The following EPHB1 variants were observed in gnomAD, a reference collection of about 807,000 sequenced individuals.
EPHB1 encodes the protein ephrin type-B receptor 1.
EPHB1 carries 30 observed loss-of-function variants against 94.4 expected under a neutral mutation model. The ratio of observed to expected loss-of-function variants is 0.32; its 90% CI spans 0.24 to 0.43. EPHB1 has a LOEUF of 0.43. Among genes scored for constraint, EPHB1 ranks in the 20% least tolerant of loss-of-function variants. The probability of loss-of-function intolerance (pLI) is 1.00; values close to 1 mark genes in which losing one functional copy is unlikely to be tolerated. For missense variants in EPHB1, 1,055 were observed against 1,308.3 expected (o/e 0.81, Z 2.99); for synonymous variants, 522 against 489.1 (o/e 1.07, Z -0.89).
Position 134,844,409 on chromosome 3 carries a change from G to A in EPHB1, c.58+48720G>A, listed in dbSNP as rs74835364. Reference sequence around the variant, plus strand: ...CGTAGCCTTAGGGCTGGCCAGGAGTGTGTGGCTATGTTGGCTCCTCTCTGG... The same window carrying A: ...CGTAGCCTTAGGGCTGGCCAGGAGTATGTGGCTATGTTGGCTCCTCTCTGG... On this transcript the variant is annotated intron_variant, in intron 1 of 15. Coordinates refer to ENST00000398015, the MANE Select transcript of EPHB1 (RefSeq NM_004441.5). 5.2e-3 allele frequency among the ~76,000 whole-genome samples: 792 copies of A among 152,342 alleles called. 3 individuals carry two copies. The highest frequency in any genetic ancestry group is 0.012 in the South Asian group (59 of 4,830).
chr3:135,112,918 T>C (rs1939519789), intron 4 of EPHB1, among the ~76,000 whole-genome samples: 1 of 152,188 alleles, frequency 6.6e-6, no homozygotes, highest in Non-Finnish European at 1.5e-5. Flanking sequence ...GAAGGCTGCT[T>C]TGCTCCAGCT....
At chr3:134,950,797 A>C (rs2107714846) in intron 2 of EPHB1, among the ~76,000 whole-genome samples, 1 of 152,364 alleles carries the variant, frequency 6.6e-6, no homozygotes, top group South Asian at 2.1e-4. Context: ...AAAACATCCA[A>C]ACCATATCAG....
At chr3:135,234,288 C>T (rs1943599145) in intron 12 of EPHB1, among the ~76,000 whole-genome samples, 1 of 152,206 alleles carries the variant, frequency 6.6e-6, no homozygotes, top group African/African-American at 2.4e-5. Flanking sequence ...CTTGCTAAAG[C>T]ACAGCAAAAG....
At chr3:134,896,246 C>G (rs1407529414) in intron 1 of EPHB1, among the ~76,000 whole-genome samples, 1 of 151,856 alleles carries the variant, frequency 6.6e-6, no homozygotes, top group African/African-American at 2.4e-5. Context: ...GAAGTCATCT[C>G]AGACCTGTTG....
intron 1 of EPHB1, among the ~76,000 whole-genome samples, chr3:134,826,749 T>A (rs1251599457): frequency 6.6e-6 from 1 of 152,184 alleles, no homozygotes; most frequent in Non-Finnish European, 1.5e-5. Flanking sequence ...AGCTCATAGT[T>A]AATTCTTGTC....
chr3:135,006,958 C>T (rs1248951473), intron 3 of EPHB1, among the ~76,000 whole-genome samples: 3 of 152,156 alleles, frequency 2.0e-5, no homozygotes, highest in Non-Finnish European at 4.4e-5. Context: ...ATTTAACTTG[C>T]ATTTCTCTTC....
chr3:134,990,313 C>T (rs1000762272), intron 3 of EPHB1, among the ~76,000 whole-genome samples: 4 of 152,154 alleles, frequency 2.6e-5, no homozygotes, highest in Non-Finnish European at 5.9e-5. Context: ...ACAATTTCAC[C>T]AGGCTATGCC....
chr3:134,959,767 A>G (rs1165702649), intron 3 of EPHB1, among the ~76,000 whole-genome samples: 1 of 152,138 alleles, frequency 6.6e-6, no homozygotes. Flanking sequence ...CTTACAGGAA[A>G]GGGCAGAGGG....
At position 134,842,300 on chromosome 3, in the gene EPHB1, A is replaced by G. The variant is rs561135402; in HGVS notation, c.58+46611A>G. Among the ~76,000 whole-genome samples, 4 of 152,292 alleles carry G rather than the reference A, an allele frequency of 2.6e-5. No individual in the cohort carries two copies. In the South Asian group the frequency reaches 8.3e-4, roughly 32 times the overall value. On this transcript the variant is annotated intron_variant, in intron 1 of 15. Transcript: ENST00000398015. ...TGTGAGACATAAATTTCTGTTGTTTATAAGCTACCTATTCTATAGTATTTT... is the reference window on the plus strand; with the variant it reads ...TGTGAGACATAAATTTCTGTTGTTTGTAAGCTACCTATTCTATAGTATTTT...
At chr3:135,141,646 G>T (rs1055772744) in intron 5 of EPHB1, among the ~76,000 whole-genome samples, 1 of 152,166 alleles carries the variant, frequency 6.6e-6, no homozygotes, top group African/African-American at 2.4e-5. Context: ...TGATGGCCTG[G>T]ATGGGAGTGA....
At chr3:135,015,947 T>C (rs1935783442) in intron 3 of EPHB1, among the ~76,000 whole-genome samples, 1 of 152,114 alleles carries the variant, frequency 6.6e-6, no homozygotes, top group African/African-American at 2.4e-5. Flanking sequence ...AAGGACCAGA[T>C]AGGACCATGG....
rs1281414188 is a variant in EPHB1 at position 135,106,566 on chromosome 3, C to T, written c.924C>T (p.Tyr308=). ...SPICTCRTGY[Y]RADFDPPEVA... ...TCTGCACCTGTCGGACCGGTTATTA[C>T]CGAGCGGACTTTGACCCTCCAGAAG... is the stretch of plus-strand genomic sequence containing the variant. The change falls in exon 4 of 16, where the codon TAC becomes TAT. Residue 308 remains tyrosine, a synonymous_variant. Transcript: ENST00000398015. 3 of 1,614,046 alleles carry T rather than the reference C, an allele frequency of 1.9e-6. No individual in the cohort carries two copies. The highest frequency in any genetic ancestry group is 2.5e-6 in the Non-Finnish European group (3 of 1,179,900).
At chr3:134,962,108 G>C (rs1187379436) in intron 3 of EPHB1, among the ~76,000 whole-genome samples, 3 of 152,144 alleles carry the variant, frequency 2.0e-5, no homozygotes. Context: ...AGCAGTGTTT[G>C]AGAGTTCCTG....
At chr3:135,117,495 A>G (rs1488777946) in intron 4 of EPHB1, among the ~76,000 whole-genome samples, 1 of 152,212 alleles carries the variant, frequency 6.6e-6, no homozygotes, top group Non-Finnish European at 1.5e-5. Flanking sequence ...AAGTCAACCT[A>G]TAGAAGGCTT....
chr3:134,863,846 G>C (rs771304013), intron 1 of EPHB1, among the ~76,000 whole-genome samples: 30 of 152,206 alleles, frequency 2.0e-4, no homozygotes, highest in African/African-American at 7.0e-4. Flanking sequence ...TTCCTATGCC[G>C]TAGACTGCTT....
chr3:135,172,516 C>T (rs533483387), intron 9 of EPHB1, among the ~76,000 whole-genome samples: 2 of 152,304 alleles, frequency 1.3e-5, no homozygotes, highest in Admixed American at 1.3e-4. Flanking sequence ...CACCCAGAAG[C>T]ATGTCTAGTT....
intron 6 of EPHB1, 25 bp downstream of exon 6, chr3:135,154,301 T>G (rs1307769500): frequency 6.2e-7 from 1 of 1,613,372 alleles, no homozygotes; most frequent in African/African-American, 1.3e-5. Flanking sequence ...CCTGCAAGCT[T>G]GCAAGACCCA....
Position 134,952,001 on chromosome 3 carries a change from C to A in EPHB1, c.754C>A (p.Arg252=). ...GDGEWMVPIG[R]CTCKPGYEPE... ...TGGGGAATGGATGGTGCCTATTGGG[C>A]GATGCACCTGCAAGCCTGGCTATGA... The change falls in exon 3 of 16, where the codon CGA becomes AGA. Residue 252 remains arginine (R), a synonymous_variant. Transcript: ENST00000398015. 1.2e-6 allele frequency: 2 copies of A among 1,613,538 alleles called. No individual in the cohort carries two copies. Among genetic ancestry groups the A allele is most frequent in the Non-Finnish European group, 1.7e-6 (2 of 1,179,640 alleles).
intron 3 of EPHB1, among the ~76,000 whole-genome samples, chr3:135,007,176 A>G (rs190928010): frequency 2.0e-5 from 3 of 152,342 alleles, no homozygotes; most frequent in Admixed American, 1.3e-4. Context: ...ACCATGGAAT[A>G]GCACCTTGAA....
Sources: allele counts gnomAD v4.1 joint callset (sites outside exome capture counted in the v4.1 genomes callset), GRCh38; gene constraint gnomAD v4.1.1; transcripts MANE v1.5; gene names NCBI Gene and HGNC (gene_info 2026-07-23, HGNC 2026-07-21).